The following MIR2052HG variants were observed in gnomAD, a reference collection of about 807,000 sequenced individuals.
MIR2052HG encodes MIR2052 host gene.
chr8:74,660,066 A>G (rs1300894985), intron 2 of MIR2052HG, among the ~76,000 whole-genome samples: 1 of 152,210 alleles, frequency 6.6e-6, no homozygotes. Flanking sequence ...TGGTTCTAAC[A>G]TGAGCATCTG....
chr8:74,712,874 A>T (rs1809484022), intron 4 of MIR2052HG, among the ~76,000 whole-genome samples: 1 of 152,196 alleles, frequency 6.6e-6, no homozygotes, highest in Non-Finnish European at 1.5e-5. Context: ...AGAAATAAAA[A>T]AGACCTTGTT....
intron 4 of MIR2052HG, among the ~76,000 whole-genome samples, chr8:74,706,831 G>A (rs1394464661): frequency 6.6e-6 from 1 of 151,924 alleles, no homozygotes; most frequent in African/African-American, 2.4e-5. Context: ...TTTTTCACAA[G>A]CTTCTTGGCG....
chr8:74,603,544 A>G, intron 1 of MIR2052HG: 1 of 1,525,762 alleles, frequency 6.6e-7, no homozygotes, highest in South Asian at 1.1e-5. Flanking sequence ...AGATGTATCC[A>G]AACCTGCACT....
At chr8:74,690,675 A>T (rs141584610) in intron 2 of MIR2052HG, among the ~76,000 whole-genome samples, 2,454 of 152,054 alleles carry the variant, frequency 0.016, 32 homozygotes, top group Middle Eastern at 0.034. Flanking sequence ...AAATAAAAAT[A>T]AAAATTAAAA....
chr8:74,600,022 C>G (rs559626031), intron 1 of MIR2052HG: 2,286 of 152,958 alleles, frequency 0.015, 12 homozygotes, highest in African/African-American at 0.019. Context: ...TTCTTTGACT[C>G]GGAAAGGGAA....
intron 2 of MIR2052HG, among the ~76,000 whole-genome samples, chr8:74,626,312 C>T (rs1277921532): frequency 1.3e-5 from 2 of 152,186 alleles, no homozygotes; most frequent in African/African-American, 2.4e-5. Flanking sequence ...ATTTCCTATA[C>T]CCCTAGGTCC....
chr8:74,690,512 G>C (rs536715214), intron 2 of MIR2052HG, among the ~76,000 whole-genome samples: 41 of 152,132 alleles, frequency 2.7e-4, no homozygotes, highest in African/African-American at 8.0e-4. Flanking sequence ...GTGCGTGGTG[G>C]TGGCGGGCGC....
At chr8:74,739,683 A>G (rs1482879608) in intron 4 of MIR2052HG, among the ~76,000 whole-genome samples, 4 of 152,196 alleles carry the variant, frequency 2.6e-5, no homozygotes, top group African/African-American at 4.8e-5. Context: ...CATAGAAGGA[A>G]TACATATGTG....
At chr8:74,699,209 G>A (rs1909934) in intron 2 of MIR2052HG, among the ~76,000 whole-genome samples, 99,383 of 151,952 alleles carry the variant, frequency 0.65, 34,059 homozygotes, top group African/African-American at 0.87. Flanking sequence ...GAGATTCCCT[G>A]AAGAACTAAA....
chr8:74,707,226 C>T (rs1809420151), intron 4 of MIR2052HG, among the ~76,000 whole-genome samples: 1 of 152,112 alleles, frequency 6.6e-6, no homozygotes. Context: ...TATATTGTTA[C>T]ATTGAGTGTT....
At chr8:74,600,948 C>A (rs73687173) in intron 1 of MIR2052HG, among the ~76,000 whole-genome samples, 1 of 152,114 alleles carries the variant, frequency 6.6e-6, no homozygotes, top group Non-Finnish European at 1.5e-5. Context: ...GTCTTACTGG[C>A]CCTAAACCTG....
At chr8:74,738,159 A>G (rs1809790358) in intron 4 of MIR2052HG, among the ~76,000 whole-genome samples, 1 of 151,790 alleles carries the variant, frequency 6.6e-6, no homozygotes, top group Admixed American at 6.6e-5. Context: ...CCATCTACCT[A>G]TCTATCTCAT....
At chr8:74,604,124 C>A (rs976863413) in intron 1 of MIR2052HG, 1 of 896,988 alleles carries the variant, frequency 1.1e-6, no homozygotes, top group African/African-American at 1.6e-5. Flanking sequence ...CCACTCTCCT[C>A]GCGCATCTTC....
intron 2 of MIR2052HG, among the ~76,000 whole-genome samples, chr8:74,629,427 T>C (rs1808478922): frequency 6.6e-6 from 1 of 151,918 alleles, no homozygotes; most frequent in Non-Finnish European, 1.5e-5. Context: ...TTTTCTACAG[T>C]AGGTGATGCC....
chr8:74,702,944 C>T (rs183964783), intron 3 of MIR2052HG, among the ~76,000 whole-genome samples: 57 of 152,094 alleles, frequency 3.7e-4, no homozygotes, highest in African/African-American at 1.1e-3. Context: ...TTCACCAAGG[C>T]CTTGATAAAT....
chr8:74,611,108 A>G (rs2128731323), intron 1 of MIR2052HG, among the ~76,000 whole-genome samples: 1 of 152,260 alleles, frequency 6.6e-6, no homozygotes, highest in Non-Finnish European at 1.5e-5. Context: ...TACTTTGAAC[A>G]TAAAAATCTT....
chr8:74,652,664 G>A (rs966165687), intron 2 of MIR2052HG, among the ~76,000 whole-genome samples: 1 of 152,054 alleles, frequency 6.6e-6, no homozygotes, highest in African/African-American at 2.4e-5. Context: ...GGGTGGAGAC[G>A]GGAAGGTATT....
intron 1 of MIR2052HG, among the ~76,000 whole-genome samples, chr8:74,601,510 A>G (rs956756671): frequency 2.0e-5 from 3 of 152,236 alleles, no homozygotes; most frequent in African/African-American, 7.2e-5. Flanking sequence ...TGTCTTCAAT[A>G]GGAGTAAATC....
chr8:74,600,260 T>C (rs1473122364), intron 1 of MIR2052HG, among the ~76,000 whole-genome samples: 2 of 151,462 alleles, frequency 1.3e-5, no homozygotes, highest in Non-Finnish European at 2.9e-5. Flanking sequence ...CCCTGAAAGC[T>C]CTGTTTTATT....
Sources: gnomAD v4.1 joint callset for allele counts (sites outside exome capture counted in the v4.1 genomes callset) on GRCh38, gnomAD v4.1.1 for gene constraint, MANE v1.5 for transcripts, NCBI Gene and HGNC (gene_info 2026-07-23, HGNC 2026-07-21) for gene names.